Variants in MIGA1 observed in about 807,000 individuals in gnomAD.
The protein encoded by MIGA1 is mitoguardin 1, also known as family with sequence similarity 73, member A.
MIGA1 carries 58 observed loss-of-function variants against 82.0 expected under a neutral mutation model. The ratio of observed to expected loss-of-function variants is 0.71; its 90% CI spans 0.57 to 0.88. MIGA1 has a LOEUF of 0.88. Ranked by LOEUF, MIGA1 falls within the 40% of genes least tolerant of loss-of-function variation. The pLI is 0.00. For synonymous variants in MIGA1, 249 were observed against 253.6 expected (o/e 0.98, Z 0.17); for missense variants, 751 against 749.1 (o/e 1.00, Z -0.03).
chr1:77,799,228 C>T (rs1249270420), intron 2 of MIGA1, among the ~76,000 whole-genome samples: 1 of 152,080 alleles, frequency 6.6e-6, no homozygotes, highest in Admixed American at 6.5e-5. Context: ...TTTTTGACTT[C>T]AAGATGATGC....
Position 77,878,859 on chromosome 1 carries a change from A to G in MIGA1, c.*3795A>G, listed in dbSNP as rs1646914887. 2.7e-6 allele frequency: 1 copy of G among 370,850 alleles called. No individual in the cohort carries two copies. The highest frequency in any genetic ancestry group is 4.8e-6 in the Non-Finnish European group (1 of 207,050). The allele number at this position is 370,850 out of a possible 1,614,324, so 23.0% of individuals were successfully genotyped here. A position where few individuals can be genotyped will look rare whatever the true frequency, so the allele number is the denominator to read the frequency against. ...AGCTCCAAAGAACTTTGTCTTTCTCATAAAGTAATATTCTTTATTTGCATC... is the reference window on the plus strand; with the variant it reads ...AGCTCCAAAGAACTTTGTCTTTCTCGTAAAGTAATATTCTTTATTTGCATC... On this transcript the variant is annotated 3_prime_UTR_variant, in exon 16 of 16. Transcript: ENST00000370791.
chr1:77,865,746 T>G (rs979088156), intron 13 of MIGA1, among the ~76,000 whole-genome samples: 1 of 152,136 alleles, frequency 6.6e-6, no homozygotes, highest in African/African-American at 2.4e-5. Context: ...CAGAGTGCAG[T>G]CTTTTTCCTT....
At chr1:77,806,833 A>C (rs1465083319) in intron 4 of MIGA1, 142 bp from the exon 5 acceptor site, 2 of 601,954 alleles carry the variant, frequency 3.3e-6, no homozygotes, top group Non-Finnish European at 2.8e-6. Flanking sequence ...ATTGATTATC[A>C]TCAGAATTAT....
In MIGA1 at chr1:77,791,259, A is replaced by C. The variant is rs944442762; in HGVS notation, c.195+7908A>C. Among the ~76,000 whole-genome samples the C allele has an allele frequency of 6.6e-3, 995 of 150,710 alleles. 6 individuals are homozygous for C. Among genetic ancestry groups the C allele is most frequent in the African/African-American group, 0.02 (802 of 41,112 alleles). On this transcript the variant is annotated intron_variant, in intron 2 of 15. Transcript: ENST00000370791. ...CCTGTCTCTTAAAAAAAAAAAAAAAAAAAAAACAAAAAACTGCTATATAAA... is the reference window on the plus strand; with the variant it reads ...CCTGTCTCTTAAAAAAAAAAAAAAACAAAAAACAAAAAACTGCTATATAAA...
chr1:77,785,252 G>A (rs1251343389), intron 2 of MIGA1, among the ~76,000 whole-genome samples: 1 of 152,186 alleles, frequency 6.6e-6, no homozygotes, highest in Non-Finnish European at 1.5e-5. Flanking sequence ...TATGGGCATT[G>A]GGTAAATATG....
intron 7 of MIGA1, among the ~76,000 whole-genome samples, chr1:77,828,337 T>C (rs1240083339): frequency 2.0e-5 from 3 of 152,224 alleles, no homozygotes; most frequent in Non-Finnish European, 4.4e-5. Context: ...AATTGAAACT[T>C]TGGGGTTGGG....
chr1:77,805,461 C>CTTTTTTTTTTTTTTTT (rs11408292), intron 4 of MIGA1, among the ~76,000 whole-genome samples: 3 of 110,400 alleles, frequency 2.7e-5, no homozygotes, highest in Non-Finnish European at 3.5e-5. Flanking sequence ...TATGCCTATT[C>CTTTTTTTTTTTTTTTT]TTTTTTTTTT....
chr1:77,840,352 C>T (rs952190108), intron 7 of MIGA1, among the ~76,000 whole-genome samples: 1 of 152,022 alleles, frequency 6.6e-6, no homozygotes, highest in African/African-American at 2.4e-5. Flanking sequence ...ATCTGGATGA[C>T]ATTGAATAGC....
chr1:77,872,235 G>A (rs1164686641), intron 14 of MIGA1, among the ~76,000 whole-genome samples: 1 of 152,158 alleles, frequency 6.6e-6, no homozygotes, highest in African/African-American at 2.4e-5. Context: ...TCCCAAAAGT[G>A]TTGGGATTAT....
At chr1:77,819,607 A>G (rs563746719) in intron 7 of MIGA1, among the ~76,000 whole-genome samples, 1 of 143,056 alleles carries the variant, frequency 7.0e-6, no homozygotes, top group South Asian at 2.3e-4. Context: ...TTTGAGAGAG[A>G]GGGTCTGGCT....
In MIGA1 at chr1:77,783,345, C is replaced by T. The variant is rs372002862; in HGVS notation, c.189C>T (p.Leu63=). Residue 63 remains leucine, a synonymous_variant, in exon 2 of 16, where the codon CTC becomes CTT. Coordinates refer to ENST00000370791, the MANE Select transcript of MIGA1 (RefSeq NM_198549.4). ...TTCCTCTGACTTGGTACTATTCTCTCTCCCAGGTAAATAAAAGAAGCAAAC... is the reference window on the plus strand; with the variant it reads ...TTCCTCTGACTTGGTACTATTCTCTTTCCCAGGTAAATAAAAGAAGCAAAC... 1.9e-4 allele frequency: 295 copies of T among 1,556,778 alleles called. No homozygotes were observed. The highest frequency in any genetic ancestry group is 2.5e-4 in the Non-Finnish European group (280 of 1,139,688).
At chr1:77,823,923 A>G (rs541223004) in intron 7 of MIGA1, among the ~76,000 whole-genome samples, 1 of 152,334 alleles carries the variant, frequency 6.6e-6, no homozygotes, top group South Asian at 2.1e-4. Context: ...TCCTTTGTGA[A>G]TAGCCTATAA....
At chr1:77,813,138 C>T (rs1437265864) in intron 5 of MIGA1, among the ~76,000 whole-genome samples, 1 of 152,088 alleles carries the variant, frequency 6.6e-6, no homozygotes, top group Non-Finnish European at 1.5e-5. Context: ...CGTATCACCA[C>T]ACCTGGCTGC....
In MIGA1 at chr1:77,840,565, AGGAGGC is replaced by A. The variant is rs941101958; in HGVS notation, c.896-2727_896-2722del. ...CTCACACCTGTAATCCCAGTACTTT[AGGAGGC>A]GGAGGCGGAGGCGGGCGGGTCACCT... On this transcript the variant is annotated intron_variant, in intron 7 of 15. Transcript: ENST00000370791. Among the ~76,000 whole-genome samples, 48 of 152,108 alleles carry A rather than the reference AGGAGGC, an allele frequency of 3.2e-4. 1 individual carries two copies. The highest frequency in any genetic ancestry group is 2.2e-3 in the Admixed American group (34 of 15,266).
At chr1:77,842,873 A>G (rs1488648333) in intron 7 of MIGA1, among the ~76,000 whole-genome samples, 3 of 152,164 alleles carry the variant, frequency 2.0e-5, no homozygotes, top group Non-Finnish European at 4.4e-5. Context: ...GCTTATCACA[A>G]GTGACAGGCT....
intron 8 of MIGA1, among the ~76,000 whole-genome samples, chr1:77,850,523 G>T (rs1685005531): frequency 6.6e-6 from 1 of 152,082 alleles, no homozygotes; most frequent in African/African-American, 2.4e-5. Flanking sequence ...TGTATAAAAT[G>T]GTCCACATTA....
chr1:77,807,756 T>A (rs968108912), intron 5 of MIGA1, among the ~76,000 whole-genome samples: 3 of 152,138 alleles, frequency 2.0e-5, no homozygotes, highest in African/African-American at 7.2e-5. Flanking sequence ...ACCACATCAT[T>A]CCAGTCTCTA....
chr1:77,863,392 A>T (rs1347882124), intron 12 of MIGA1, among the ~76,000 whole-genome samples: 19 of 152,004 alleles, frequency 1.2e-4, no homozygotes, highest in Admixed American at 1.2e-3. Flanking sequence ...TTTTTCCTTT[A>T]TTGTGCTTCA....
intron 8 of MIGA1, among the ~76,000 whole-genome samples, chr1:77,850,838 CTTGT>C (rs1198758824): frequency 1.3e-5 from 2 of 149,730 alleles, no homozygotes; most frequent in South Asian, 2.1e-4. Flanking sequence ...TTGTTGTTGA[CTTGT>C]TTGATTTCTT....
Sources: allele counts gnomAD v4.1 joint callset (sites outside exome capture counted in the v4.1 genomes callset), GRCh38; gene constraint gnomAD v4.1.1; transcripts MANE v1.5; gene names NCBI Gene and HGNC (gene_info 2026-07-23, HGNC 2026-07-21).